ASCC3: variants seen among roughly 807,000 people sequenced by gnomAD.
ASCC3 encodes the protein ASC-1 complex subunit P200.
Under a neutral mutation model 256.3 loss-of-function variants are expected in ASCC3, and 158 were observed. The observed-to-expected ratio is 0.62, with a 90% CI of 0.54 to 0.70. The LOEUF (loss-of-function observed/expected upper bound fraction) is 0.70, where lower values mean the gene tolerates loss of function less well. ASCC3 is among the 30% of genes least tolerant of loss of function. The pLI is 0.00. For missense variants in ASCC3, 2,259 were observed against 2,626.0 expected, an observed-to-expected ratio of 0.86 and a Z score of 3.05; for synonymous variants, 948 against 883.4, an observed-to-expected ratio of 1.07 and a Z score of -1.30.
At chr6:100,633,393 A>G (rs998927554) in intron 25 of ASCC3, among the ~76,000 whole-genome samples, 4 of 152,042 alleles carry the variant, frequency 2.6e-5, no homozygotes, top group African/African-American at 9.7e-5. Context: ...AATGGCCCCA[A>G]AGCACAAGAG....
At chr6:100,827,430 A>C (rs1350848044) in intron 4 of ASCC3, among the ~76,000 whole-genome samples, 1 of 152,202 alleles carries the variant, frequency 6.6e-6, no homozygotes, top group Admixed American at 6.5e-5. Flanking sequence ...GGAATCACAG[A>C]ATATGTAGCC....
intron 13 of ASCC3, among the ~76,000 whole-genome samples, chr6:100,711,248 CTT>C (rs1012373210): frequency 3.9e-5 from 6 of 152,094 alleles, no homozygotes; most frequent in Non-Finnish European, 7.4e-5. Flanking sequence ...TTAGTGGCCT[CTT>C]AAGATTTTTT....
intron 13 of ASCC3, among the ~76,000 whole-genome samples, chr6:100,692,035 T>A (rs1008437148): frequency 1.3e-5 from 2 of 152,090 alleles, no homozygotes; most frequent in East Asian, 3.8e-4. Context: ...CAACGTTTAG[T>A]TGTTTTACAG....
intron 34 of ASCC3, among the ~76,000 whole-genome samples, chr6:100,599,710 G>A (rs1198871271): frequency 1.3e-5 from 2 of 151,568 alleles, no homozygotes; most frequent in African/African-American, 4.9e-5. Context: ...AAAGGGCAAC[G>A]TATCTGTGGA....
chr6:100,740,524 C>T (rs1780385933), intron 10 of ASCC3, among the ~76,000 whole-genome samples: 1 of 152,114 alleles, frequency 6.6e-6, no homozygotes, highest in Non-Finnish European at 1.5e-5. Flanking sequence ...CTAAAATTGT[C>T]AGTGAGATTT....
At chr6:100,572,875 G>C (rs1001305765) in intron 36 of ASCC3, among the ~76,000 whole-genome samples, 1 of 151,736 alleles carries the variant, frequency 6.6e-6, no homozygotes, top group Non-Finnish European at 1.5e-5. Flanking sequence ...AGTAACTCTG[G>C]TTCTTTATTT....
intron 10 of ASCC3, among the ~76,000 whole-genome samples, chr6:100,752,314 A>G (rs1780977683): frequency 6.6e-6 from 1 of 152,124 alleles, no homozygotes. Flanking sequence ...CAGGAGGGCA[A>G]AGCTAATGAG....
At chr6:100,818,509 T>C (rs1345083959) in intron 4 of ASCC3, among the ~76,000 whole-genome samples, 3 of 148,244 alleles carry the variant, frequency 2.0e-5, no homozygotes, top group African/African-American at 7.5e-5. Context: ...AAGGTGGAGG[T>C]TGCCGAGAGC....
chr6:100,684,381 GTTAAA>G (rs1777456102), intron 13 of ASCC3, among the ~76,000 whole-genome samples: 1 of 152,118 alleles, frequency 6.6e-6, no homozygotes, highest in Admixed American at 6.5e-5. Context: ...TGGCAGGCTT[GTTAAA>G]AACACAGATT....
At chr6:100,684,485 G>A (rs1777462161) in intron 13 of ASCC3, among the ~76,000 whole-genome samples, 1 of 152,264 alleles carries the variant, frequency 6.6e-6, no homozygotes, top group East Asian at 1.9e-4. Flanking sequence ...AGATGCTAAT[G>A]TTATTGTCCA....
At chr6:100,739,539 G>A (rs753591954) in intron 10 of ASCC3, among the ~76,000 whole-genome samples, 8 of 152,166 alleles carry the variant, frequency 5.3e-5, no homozygotes, top group Non-Finnish European at 1.0e-4. Flanking sequence ...ACCTCTGGTA[G>A]AATTCACCTG....
intron 23 of ASCC3, among the ~76,000 whole-genome samples, chr6:100,643,371 T>A (rs1179339985): frequency 6.6e-6 from 1 of 152,170 alleles, no homozygotes; most frequent in East Asian, 1.9e-4. Flanking sequence ...TCCAATAGTA[T>A]TCAGTATTTT....
At chr6:100,734,671 C>T (rs941092647) in intron 10 of ASCC3, among the ~76,000 whole-genome samples, 110 of 152,290 alleles carry the variant, frequency 7.2e-4, no homozygotes, top group African/African-American at 2.6e-3. Flanking sequence ...ATCCCCAGTC[C>T]TGTACCACCA....
intron 36 of ASCC3, among the ~76,000 whole-genome samples, chr6:100,572,923 T>A (rs1005598097): frequency 1.3e-5 from 2 of 152,110 alleles, no homozygotes; most frequent in Admixed American, 6.6e-5. Flanking sequence ...TGCTTTAAAA[T>A]TTTTTTACAG....
intron 10 of ASCC3, among the ~76,000 whole-genome samples, chr6:100,742,362 G>A (rs759390831): frequency 6.6e-6 from 1 of 152,192 alleles, no homozygotes; most frequent in Admixed American, 6.5e-5. Flanking sequence ...TCTGGGACTT[G>A]CTCAGAGATA....
chr6:100,549,256 T>C (rs1467804911), intron 36 of ASCC3, among the ~76,000 whole-genome samples: 1 of 152,012 alleles, frequency 6.6e-6, no homozygotes, highest in Non-Finnish European at 1.5e-5. Context: ...TGAATATTAT[T>C]TGGAACATTC....
At chr6:100,644,218 A>C (rs1775271307) in intron 22 of ASCC3, 89 bp from the exon 23 acceptor site, 1 of 861,492 alleles carries the variant, frequency 1.2e-6, no homozygotes, top group African/African-American at 1.7e-5. Flanking sequence ...AGCTTTATTG[A>C]TATATCATTT....
chr6:100,757,240 A>G, intron 10 of ASCC3, among the ~76,000 whole-genome samples: 1 of 124,296 alleles, frequency 8.0e-6, no homozygotes, highest in Non-Finnish European at 1.9e-5. Context: ...CCAGATACAG[A>G]TATACACACA....
chr6:100,803,217 G>A (rs1770008123), intron 5 of ASCC3, among the ~76,000 whole-genome samples: 1 of 151,986 alleles, frequency 6.6e-6, no homozygotes, highest in Non-Finnish European at 1.5e-5. Flanking sequence ...GTGTAATATG[G>A]TTAGGCTTTA....
Sources: gnomAD v4.1 joint callset for allele counts (sites outside exome capture counted in the v4.1 genomes callset) on GRCh38, gnomAD v4.1.1 for gene constraint, MANE v1.5 for transcripts, NCBI Gene and HGNC (gene_info 2026-07-23, HGNC 2026-07-21) for gene names.